Variants in ZNF516 observed in about 807,000 individuals in gnomAD.
ZNF516 encodes zinc finger protein 516.
In ZNF516, 19 loss-of-function variants were observed where a neutral mutation model predicts 79.7. That is an observed-to-expected ratio of 0.24 (90% confidence interval 0.17 to 0.35). ZNF516 has a LOEUF of 0.35. ZNF516 is among the 10% of genes least tolerant of loss of function. ZNF516 has a pLI of 1.00. For synonymous variants in ZNF516, 877 were observed against 739.5 expected, an observed-to-expected ratio of 1.19 and a Z score of -3.02; for missense variants, 1,678 against 1,679.5, an observed-to-expected ratio of 1.00 and a Z score of 0.02.
chr18:76,463,289 G>A (rs1913239601), intron 1 of ZNF516, 148 bp from the exon 2 acceptor site: 1 of 152,238 alleles, frequency 6.6e-6, no homozygotes, highest in Non-Finnish European at 1.5e-5. Flanking sequence ...CACCCCAAGT[G>A]GGGCTGCTGG....
At chr18:76,373,454 G>A (rs922080839) in intron 4 of ZNF516, among the ~76,000 whole-genome samples, 4 of 152,144 alleles carry the variant, frequency 2.6e-5, no homozygotes, top group Non-Finnish European at 4.4e-5. Context: ...TGAATACTCC[G>A]GTTGTCTGGA....
intron 3 of ZNF516, 102 bp downstream of exon 3, chr18:76,441,143 G>A (rs1009187209): frequency 1.4e-6 from 2 of 1,439,912 alleles, no homozygotes; most frequent in Non-Finnish European, 1.8e-6. Context: ...CACCGGGTAA[G>A]GGGCTAATGA....
At chr18:76,472,857 G>A (rs1321204218) in intron 1 of ZNF516, among the ~76,000 whole-genome samples, 3 of 152,136 alleles carry the variant, frequency 2.0e-5, no homozygotes, top group East Asian at 1.9e-4. Context: ...ATAAACATGC[G>A]ATCCTTACCT....
intron 4 of ZNF516, among the ~76,000 whole-genome samples, chr18:76,376,969 G>A (rs753634254): frequency 6.6e-5 from 10 of 152,184 alleles, no homozygotes; most frequent in African/African-American, 9.7e-5. Flanking sequence ...TGGGTTCCAA[G>A]AAACCCCACA....
Position 76,465,199 on chromosome 18 carries a change from T to C in ZNF516, c.-271-2058A>G, listed in dbSNP as rs1913385124. On this transcript the variant is annotated intron_variant, in intron 1 of 6. Coordinates refer to ENST00000443185, the MANE Select transcript of ZNF516 (RefSeq NM_014643.4). Reference sequence around the variant, plus strand: ...AAGCACAAGCTATTTTCTGGCTTAGTTTCCCCTCTTCGACAGGCCACAGGG... The same window carrying C: ...AAGCACAAGCTATTTTCTGGCTTAGCTTCCCCTCTTCGACAGGCCACAGGG... Among the ~76,000 whole-genome samples, 3 of 152,232 alleles carry C rather than the reference T, an allele frequency of 2.0e-5. No individual in the cohort carries two copies. The South Asian group carries it at 6.2e-4, about 31-fold the overall frequency.
intron 3 of ZNF516, among the ~76,000 whole-genome samples, chr18:76,403,574 C>G (rs1445696552): frequency 1.3e-5 from 2 of 152,108 alleles, no homozygotes; most frequent in Non-Finnish European, 2.9e-5. Flanking sequence ...AGCACCCAGC[C>G]CTGACCCTCA....
In ZNF516 at chr18:76,357,982, CAA is replaced by C. The variant is rs1252936759; in HGVS notation, c.*4514_*4515del. On this transcript the variant is annotated 3_prime_UTR_variant, in exon 7 of 7. Transcript: ENST00000443185. Reference sequence around the variant, plus strand: ...AAAAAACTGTATGTCCTCGAGTCCACAAAAGAGTTGGAAAAAAACCACTCGGG... The same window carrying C: ...AAAAAACTGTATGTCCTCGAGTCCACAAGAGTTGGAAAAAAACCACTCGGG... 1.3e-5 allele frequency among the ~76,000 whole-genome samples: 2 copies of C among 152,056 alleles called. No individual in the cohort carries two copies.
At chr18:76,450,503 T>C (rs1179922504) in intron 2 of ZNF516, among the ~76,000 whole-genome samples, 1 of 152,206 alleles carries the variant, frequency 6.6e-6, no homozygotes, top group African/African-American at 2.4e-5. Context: ...CAGTGTTTTA[T>C]TTTAAAAGAT....
intron 3 of ZNF516, among the ~76,000 whole-genome samples, chr18:76,403,808 T>C (rs1439355320): frequency 6.6e-6 from 1 of 152,186 alleles, no homozygotes; most frequent in Non-Finnish European, 1.5e-5. Flanking sequence ...AATTTCATGA[T>C]CTATATGATG....
chr18:76,480,522 C>CAT (rs1252808028), intron 1 of ZNF516, among the ~76,000 whole-genome samples: 3 of 97,452 alleles, frequency 3.1e-5, no homozygotes, highest in African/African-American at 9.4e-5. Flanking sequence ...CACACACACA[C>CAT]ACATATATTT....
intron 1 of ZNF516, among the ~76,000 whole-genome samples, chr18:76,482,374 C>T (rs886462744): frequency 1.3e-5 from 2 of 152,190 alleles, no homozygotes; most frequent in Admixed American, 6.5e-5. Flanking sequence ...GTTTGACTTA[C>T]ACTTTTTCAA....
At chr18:76,417,508 G>A (rs1457491909) in intron 3 of ZNF516, among the ~76,000 whole-genome samples, 1 of 152,128 alleles carries the variant, frequency 6.6e-6, no homozygotes, top group Non-Finnish European at 1.5e-5. Context: ...ATTTAAATAG[G>A]TATATAATCC....
intron 1 of ZNF516, among the ~76,000 whole-genome samples, chr18:76,468,253 C>G (rs1913610739): frequency 6.6e-6 from 1 of 152,106 alleles, no homozygotes. Context: ...TTGGAGCAGC[C>G]CCGTGCTCTT....
chr18:76,445,522 A>C (rs1281875136), intron 2 of ZNF516, among the ~76,000 whole-genome samples: 1 of 152,236 alleles, frequency 6.6e-6, no homozygotes, highest in Non-Finnish European at 1.5e-5. Flanking sequence ...AATGAAACAC[A>C]CTATTTATAT....
chr18:76,496,032 C>A (rs9947007), upstream of ZNF516, among the ~76,000 whole-genome samples: 1,378 of 152,236 alleles, frequency 9.1e-3, 20 homozygotes, highest in African/African-American at 0.031. Context: ...TTCTTCACCT[C>A]ACCTACTCCC....
chr18:76,455,425 A>G (rs145896638), intron 2 of ZNF516, among the ~76,000 whole-genome samples: 99 of 152,330 alleles, frequency 6.5e-4, no homozygotes, highest in African/African-American at 2.2e-3. Context: ...TGTTGTGAAC[A>G]GTTGTGCAAG....
chr18:76,371,643 G>T, intron 4 of ZNF516, 72 bp from the exon 5 acceptor site: 2 of 1,261,104 alleles, frequency 1.6e-6, no homozygotes, highest in South Asian at 1.2e-5. Flanking sequence ...GCAGGAGAGC[G>T]AGGGGGAAGC....
chr18:76,385,776 G>GCCGC (rs2074979575), intron 3 of ZNF516: 1 of 146,766 alleles, frequency 6.8e-6, no homozygotes, highest in East Asian at 2.0e-4. Flanking sequence ...CCACTGCACT[G>GCCGC]CCCCCCCCCC....
intron 3 of ZNF516, among the ~76,000 whole-genome samples, chr18:76,401,724 AC>A (rs2075226766): frequency 2.1e-5 from 2 of 95,044 alleles, no homozygotes; most frequent in African/African-American, 4.2e-5. Flanking sequence ...AGCCAACCAC[AC>A]CCCCGCGCCG....
Sources: gnomAD v4.1 joint callset for allele counts (sites outside exome capture counted in the v4.1 genomes callset) on GRCh38, gnomAD v4.1.1 for gene constraint, MANE v1.5 for transcripts, NCBI Gene and HGNC (gene_info 2026-07-23, HGNC 2026-07-21) for gene names.